FGF12: variants seen among roughly 807,000 people sequenced by gnomAD.
The protein encoded by FGF12 is fibroblast growth factor 12B.
Under a neutral mutation model 23.6 loss-of-function variants are expected in FGF12, and 14 were observed. The observed-to-expected ratio is 0.59, with a 90% CI of 0.39 to 0.93. The LOEUF (loss-of-function observed/expected upper bound fraction) is 0.93. FGF12 is among the 40% of genes least tolerant of loss of function. The pLI is 0.00. For synonymous variants in FGF12, 62 were observed against 77.3 expected, an observed-to-expected ratio of 0.80 and a Z score of 1.04; for missense variants, 175 against 217.8, an observed-to-expected ratio of 0.80 and a Z score of 1.24.
intron 2 of FGF12, among the ~76,000 whole-genome samples, chr3:192,392,883 A>C (rs1720368326): frequency 6.6e-6 from 1 of 152,126 alleles, no homozygotes; most frequent in African/African-American, 2.4e-5. Context: ...AAGGTAAATG[A>C]CCTTTAAAGT....
chr3:192,354,027 G>C (rs1180675395), intron 3 of FGF12, among the ~76,000 whole-genome samples: 2 of 152,140 alleles, frequency 1.3e-5, no homozygotes, highest in Admixed American at 6.5e-5. Context: ...TGCTGACTTT[G>C]GCTGTGTCTA....
chr3:192,336,319 A>G lies in FGF12; in HGVS notation c.125-855T>C, dbSNP rs551998298. ...ATTCGAGTTGCTCATCACTCAAAAT[A>G]CTCAATAGTCTATATGTCCACTTAG... On this transcript the variant is annotated intron_variant, in intron 3 of 5. Coordinates refer to ENST00000445105, the MANE Select transcript of FGF12 (RefSeq NM_004113.6). This position sits in a 1 kb window ranked among gnomAD's most constrained non-coding sequence, Gnocchi z 4.3. 3.9e-5 allele frequency among the ~76,000 whole-genome samples: 6 copies of G among 152,176 alleles called. No individual in the cohort carries two copies. The East Asian group carries it at 1.2e-3, about 29-fold the overall frequency.
intron 2 of FGF12, among the ~76,000 whole-genome samples, chr3:192,377,544 C>T (rs780885955): frequency 1.2e-4 from 18 of 152,190 alleles, no homozygotes; most frequent in Admixed American, 2.0e-4. Flanking sequence ...ATTTTAGCGT[C>T]AATGTTTATT....
At chr3:192,238,561 T>A (rs570019456) in intron 4 of FGF12, 2 of 152,180 alleles carry the variant, frequency 1.3e-5, no homozygotes, top group Non-Finnish European at 2.9e-5. Flanking sequence ...ATGACTGAAC[T>A]GTAATTTTTA....
At chr3:192,641,793 A>C (rs1326807101) in intron 2 of FGF12, among the ~76,000 whole-genome samples, 6 of 152,218 alleles carry the variant, frequency 3.9e-5, no homozygotes, top group Non-Finnish European at 8.8e-5. Flanking sequence ...CTCCTAAATA[A>C]AAAGTGTTAT....
At chr3:192,680,630 A>G (rs1275171341) in intron 2 of FGF12, among the ~76,000 whole-genome samples, 1 of 152,238 alleles carries the variant, frequency 6.6e-6, no homozygotes, top group Admixed American at 6.5e-5. Context: ...TGAGAGGCAT[A>G]AGAACAGCCC....
intron 4 of FGF12, among the ~76,000 whole-genome samples, chr3:192,183,528 C>G (rs35104759): frequency 0.15 from 22,687 of 152,156 alleles, 2,533 homozygotes; most frequent in African/African-American, 0.31. Context: ...AGAATGAAGA[C>G]AGAGAGGCCT....
At chr3:192,274,601 G>GAGAGAT (rs1165287809) in intron 4 of FGF12, among the ~76,000 whole-genome samples, 2 of 151,818 alleles carry the variant, frequency 1.3e-5, no homozygotes, top group African/African-American at 4.8e-5. Flanking sequence ...GAAAGAGAGA[G>GAGAGAT]AGATAGAATA....
chr3:192,445,997 C>T lies in FGF12; in HGVS notation c.14-85459G>A, dbSNP rs568924792. Among the ~76,000 whole-genome samples, 3 of 152,280 alleles carry T rather than the reference C, an allele frequency of 2.0e-5. No individual in the cohort carries two copies. In the South Asian group the frequency reaches 6.2e-4, roughly 32 times the overall value. ...AGGAGACAGTCATCTGTTCCACAGC[C>T]TAGCAATTGTGTCATTAAACAAATT... On this transcript the variant is annotated intron_variant, in intron 2 of 5. Coordinates refer to ENST00000445105, the MANE Select transcript of FGF12 (RefSeq NM_004113.6).
chr3:192,647,602 T>G lies in FGF12; in HGVS notation c.13+79579A>C, dbSNP rs573718375. ...TAGTCAATAATCAAAGAATGAATAA[T>G]TACCTGGAATTCATATCAACCTGGG... On this transcript the variant is annotated intron_variant, in intron 2 of 5. Coordinates refer to ENST00000445105, the MANE Select transcript of FGF12 (RefSeq NM_004113.6). 4.6e-5 allele frequency among the ~76,000 whole-genome samples: 7 copies of G among 151,618 alleles called. No homozygotes were observed. In the South Asian group the frequency reaches 1.5e-3, roughly 32 times the overall value.
intron 2 of FGF12, among the ~76,000 whole-genome samples, chr3:192,376,810 G>A (rs1056570479): frequency 1.1e-4 from 16 of 152,030 alleles, no homozygotes; most frequent in Admixed American, 8.5e-4. Context: ...CAACTTGGGG[G>A]TATGAATTAT....
chr3:192,384,105 G>C (rs771337312), intron 2 of FGF12, among the ~76,000 whole-genome samples: 2 of 152,170 alleles, frequency 1.3e-5, no homozygotes, highest in Non-Finnish European at 2.9e-5. Context: ...ACATAAATGA[G>C]GGCTGAAAAG....
chr3:192,670,071 A>G (rs1717053361), intron 2 of FGF12, among the ~76,000 whole-genome samples: 1 of 152,138 alleles, frequency 6.6e-6, no homozygotes. Flanking sequence ...ATATTCCTCC[A>G]TTTTCCAACT....
In FGF12 at chr3:192,623,086, A is replaced by G. The variant is rs373507654; in HGVS notation, c.13+104095T>C. Among the ~76,000 whole-genome samples the G allele has an allele frequency of 6.3e-4, 96 of 152,374 alleles. 1 individual carries two copies. The South Asian group carries it at 0.019, about 31-fold the overall frequency. Reference sequence around the variant, plus strand: ...AAATCAAATAAACATCAACCATGTAACAGCTATAAGCCAGGTCCCCTGCTA... The same window carrying G: ...AAATCAAATAAACATCAACCATGTAGCAGCTATAAGCCAGGTCCCCTGCTA... On this transcript the variant is annotated intron_variant, in intron 2 of 5. Coordinates refer to ENST00000445105, the MANE Select transcript of FGF12 (RefSeq NM_004113.6).
intron 5 of FGF12, among the ~76,000 whole-genome samples, chr3:192,158,384 TTTCTTTCTCTC>T (rs1714612713): frequency 1.4e-4 from 9 of 62,712 alleles, no homozygotes; most frequent in South Asian, 4.7e-4. Context: ...CTTTCTTTCT[TTTCTTTCTCTC>T]TCTTTCTTTT....
At chr3:192,599,272 A>AATAATAATAATAATAATAATTATT (rs1553837308) in intron 2 of FGF12, among the ~76,000 whole-genome samples, 3 of 150,032 alleles carry the variant, frequency 2.0e-5, no homozygotes, top group African/African-American at 7.3e-5. Context: ...TAATAATAAT[A>AATAATAATAATAATAATAATTATT]ATAATAATAA....
intron 2 of FGF12, among the ~76,000 whole-genome samples, chr3:192,553,128 C>G (rs944954035): frequency 6.6e-6 from 1 of 151,952 alleles, no homozygotes; most frequent in African/African-American, 2.4e-5. Flanking sequence ...GTTCTTCAAA[C>G]TGAAGTAGGA....
chr3:192,656,579 C>G (rs9835809), intron 2 of FGF12, among the ~76,000 whole-genome samples: 86,467 of 151,788 alleles, frequency 0.57, 25,030 homozygotes, highest in East Asian at 0.67. Flanking sequence ...TGGGTAGAGG[C>G]CAGGGATGCT....
At chr3:192,595,092 A>G (rs1259564479) in intron 2 of FGF12, among the ~76,000 whole-genome samples, 6 of 152,196 alleles carry the variant, frequency 3.9e-5, no homozygotes, top group African/African-American at 1.4e-4. Context: ...GTATTAACCA[A>G]TTTTTTAACT....
Sources: gnomAD v4.1 joint callset for allele counts (sites outside exome capture counted in the v4.1 genomes callset) on GRCh38, gnomAD v4.1.1 for gene constraint, Gnocchi (gnomAD v3.1) non-coding constraint, MANE v1.5 for transcripts, NCBI Gene and HGNC (gene_info 2026-07-23, HGNC 2026-07-21) for gene names.